The following C1GALT1 variants were observed in gnomAD, a reference collection of about 807,000 sequenced individuals.
The protein encoded by C1GALT1 is core 1 synthase, glycoprotein-N-acetylgalactosamine 3-beta-galactosyltransferase 1.
C1GALT1 carries 11 observed loss-of-function variants against 31.0 expected under a neutral mutation model. The observed-to-expected ratio is 0.36, with a 90% confidence interval of 0.22 to 0.59. The LOEUF is 0.59. Among genes scored for constraint, C1GALT1 ranks in the 20% least tolerant of loss-of-function variants. The probability of loss-of-function intolerance (pLI) is 0.79; values close to 1 mark genes in which losing one functional copy is unlikely to be tolerated. For synonymous variants in C1GALT1, 175 were observed against 143.6 expected, an observed-to-expected ratio of 1.22 and a Z score of -1.56; for missense variants, 424 against 425.2, an observed-to-expected ratio of 1.00 and a Z score of 0.03.
intron 1 of C1GALT1, among the ~76,000 whole-genome samples, chr7:7,196,266 A>G (rs1463968704): frequency 4.0e-5 from 5 of 123,832 alleles, no homozygotes; most frequent in Non-Finnish European, 6.3e-5. Context: ...CCCTGTGTCC[A>G]CGTGTTCTCA....
At chr7:7,239,467 A>G (rs1416561369) in intron 3 of C1GALT1, among the ~76,000 whole-genome samples, 1 of 152,150 alleles carries the variant, frequency 6.6e-6, no homozygotes, top group Non-Finnish European at 1.5e-5. Context: ...GTTCAGAAAG[A>G]CCTAGAGTCA....
intron 2 of C1GALT1, among the ~76,000 whole-genome samples, chr7:7,157,793 C>A (rs1406193166): frequency 6.6e-6 from 1 of 152,144 alleles, no homozygotes; most frequent in African/African-American, 2.4e-5. Flanking sequence ...TAGCTAGCCT[C>A]AGTAAGGGTA....
chr7:7,191,091 C>T (rs1781052538), intron 1 of C1GALT1, among the ~76,000 whole-genome samples: 1 of 152,040 alleles, frequency 6.6e-6, no homozygotes, highest in Non-Finnish European at 1.5e-5. Context: ...ATCTCCAGAA[C>T]TCTTTATTTT....
intron 1 of C1GALT1, among the ~76,000 whole-genome samples, chr7:7,189,225 C>A (rs759500074): frequency 6.6e-6 from 1 of 152,056 alleles, no homozygotes; most frequent in Non-Finnish European, 1.5e-5. Flanking sequence ...AGACAGACGT[C>A]TTATGGTTAT....
intron 1 of C1GALT1, among the ~76,000 whole-genome samples, chr7:7,232,521 C>G (rs915569343): frequency 1.0e-4 from 14 of 140,576 alleles, no homozygotes; most frequent in African/African-American, 3.5e-4. Flanking sequence ...GAGACAGAGT[C>G]TTGCTCTGTC....
chr7:7,184,185 A>C (rs1780716647), intron 1 of C1GALT1, among the ~76,000 whole-genome samples: 1 of 152,250 alleles, frequency 6.6e-6, no homozygotes, highest in African/African-American at 2.4e-5. Context: ...GTTTAAGTGA[A>C]TATAAAGTTT....
chr7:7,176,618 A>G (rs1780508844), intron 2 of C1GALT1, among the ~76,000 whole-genome samples: 2 of 152,198 alleles, frequency 1.3e-5, no homozygotes, highest in African/African-American at 4.8e-5. Context: ...TCAAGCTAAT[A>G]TGCTGTGAGT....
At chr7:7,226,429 A>G (rs979549902) in intron 1 of C1GALT1, among the ~76,000 whole-genome samples, 15 of 152,162 alleles carry the variant, frequency 9.9e-5, no homozygotes, top group Non-Finnish European at 2.2e-4. Flanking sequence ...GACTTCCCGA[A>G]AGCCTGAAAG....
intron 1 of C1GALT1, among the ~76,000 whole-genome samples, chr7:7,231,531 A>G (rs1783073268): frequency 6.6e-6 from 1 of 151,398 alleles, no homozygotes; most frequent in African/African-American, 2.4e-5. Flanking sequence ...CATTCTGCGT[A>G]TTTTCTTCTG....
chr7:7,183,501 A>ATTT, intron 1 of C1GALT1: 2 of 628,586 alleles, frequency 3.2e-6, no homozygotes, highest in Non-Finnish European at 2.0e-6. Context: ...AAGGCATTAA[A>ATTT]TTTTTTTTTT....
At chr7:7,195,618 T>C (rs1781248549) in intron 1 of C1GALT1, among the ~76,000 whole-genome samples, 1 of 152,066 alleles carries the variant, frequency 6.6e-6, no homozygotes, top group African/African-American at 2.4e-5. Flanking sequence ...GAAGGATCCA[T>C]GTGCTGATGA....
At chr7:7,242,337 A>T (rs1450030685) in intron 3 of C1GALT1, among the ~76,000 whole-genome samples, 1 of 150,890 alleles carries the variant, frequency 6.6e-6, no homozygotes, top group African/African-American at 2.4e-5. Flanking sequence ...TTTTATTCTG[A>T]TATTTCCTAA....
chr7:7,223,972 T>G (rs1361070922), intron 1 of C1GALT1, among the ~76,000 whole-genome samples: 1 of 152,184 alleles, frequency 6.6e-6, no homozygotes, highest in African/African-American at 2.4e-5. Context: ...TTATTTGTCC[T>G]GAATATTGGA....
chr7:7,227,154 T>TCCTATAAA (rs1332754679), intron 1 of C1GALT1, among the ~76,000 whole-genome samples: 1 of 152,198 alleles, frequency 6.6e-6, no homozygotes, highest in Non-Finnish European at 1.5e-5. Flanking sequence ...TTCCTTTATT[T>TCCTATAAA]CCTATAAATT....
chr7:7,185,724 C>T (rs1780783709), intron 1 of C1GALT1, among the ~76,000 whole-genome samples: 2 of 152,192 alleles, frequency 1.3e-5, no homozygotes, highest in African/African-American at 4.8e-5. Flanking sequence ...ATTACATCTG[C>T]AAAGACCCTA....
chr7:7,242,834 A>G (rs1398336009), intron 3 of C1GALT1, among the ~76,000 whole-genome samples: 1 of 152,166 alleles, frequency 6.6e-6, no homozygotes, highest in African/African-American at 2.4e-5. Flanking sequence ...TTTTCAGTCA[A>G]TAATAGCTAA....
chr7:7,241,962 T>G (rs1217848565), intron 3 of C1GALT1, among the ~76,000 whole-genome samples: 3 of 152,032 alleles, frequency 2.0e-5, no homozygotes. Flanking sequence ...AATATAAAAA[T>G]TGCTTCCAGA....
At chr7:7,219,766 T>C (rs566262876) in intron 1 of C1GALT1, among the ~76,000 whole-genome samples, 3 of 152,264 alleles carry the variant, frequency 2.0e-5, no homozygotes, top group African/African-American at 7.2e-5. Context: ...CTTCTAGTCT[T>C]TTTTTAGTAT....
chr7:7,200,853 A>C (rs1335285897), intron 1 of C1GALT1, among the ~76,000 whole-genome samples: 1 of 152,180 alleles, frequency 6.6e-6, no homozygotes, highest in Non-Finnish European at 1.5e-5. Context: ...CCATCAAGTC[A>C]TTTAAGGACT....
Sources: gnomAD v4.1 joint callset for allele counts (sites outside exome capture counted in the v4.1 genomes callset) on GRCh38, gnomAD v4.1.1 for gene constraint, MANE v1.5 for transcripts, NCBI Gene and HGNC (gene_info 2026-07-23, HGNC 2026-07-21) for gene names.